Variants in COBL observed in about 807,000 individuals in gnomAD.
COBL encodes the protein protein cordon-bleu.
Under a neutral mutation model 98.8 loss-of-function variants are expected in COBL, and 51 were observed. The ratio of observed to expected loss-of-function variants is 0.52; its 90% CI spans 0.41 to 0.65. The LOEUF is 0.65. Among genes scored for constraint, COBL ranks in the 30% least tolerant of loss-of-function variants. The pLI is 0.00. For missense variants in COBL, 1,617 were observed against 1,617.5 expected (o/e 1.00, Z 0.01); for synonymous variants, 634 against 651.7 (o/e 0.97, Z 0.41).
In COBL at chr7:51,193,500, G is replaced by A; in HGVS notation, c.335C>T (p.Thr112Ile). ...HHALEIRSSETQQPLSFKPNT... is the reference protein window; with the variant it reads ...HHALEIRSSEIQQPLSFKPNT... ...TGGCTTAAAACTCAAAGGTTGTTGGGTTTCTGAAGACCGAATTTCAAGGGC... is the reference window on the plus strand; with the variant it reads ...TGGCTTAAAACTCAAAGGTTGTTGGATTTCTGAAGACCGAATTTCAAGGGC... The change falls in exon 3 of 13, where the codon ACC becomes ATC. Residue 112 changes from threonine (T) to isoleucine (I), a missense_variant. By Grantham distance (89) the Thr-to-Ile change is moderately conservative (BLOSUM62 -1). Transcript: ENST00000265136. 6.2e-7 allele frequency: 1 copy of A among 1,614,158 alleles called. No individual in the cohort carries two copies. Among genetic ancestry groups the A allele is most frequent in the Non-Finnish European group, 8.5e-7 (1 of 1,180,020 alleles).
chr7:51,216,184 A>T (rs1793023187), intron 2 of COBL, among the ~76,000 whole-genome samples: 1 of 152,084 alleles, frequency 6.6e-6, no homozygotes, highest in Non-Finnish European at 1.5e-5. Flanking sequence ...CTCTTTGAAG[A>T]TCTTTTCTTT....
At chr7:51,183,054 A>T (rs1277272506) in intron 5 of COBL, among the ~76,000 whole-genome samples, 9 of 152,104 alleles carry the variant, frequency 5.9e-5, no homozygotes, top group Non-Finnish European at 5.9e-5. Context: ...AGGTTACTTT[A>T]TTTCTCTGAG....
chr7:51,187,329 TATACACAC>T (rs1198394516), intron 4 of COBL, among the ~76,000 whole-genome samples: 18 of 142,424 alleles, frequency 1.3e-4, no homozygotes, highest in East Asian at 4.1e-4. Context: ...TATATATATA[TATACACAC>T]ACACACACAC....
intron 1 of COBL, among the ~76,000 whole-genome samples, chr7:51,315,767 G>A (rs906493640): frequency 6.6e-6 from 1 of 151,948 alleles, no homozygotes; most frequent in Non-Finnish European, 1.5e-5. Flanking sequence ...AGGGCTGCTC[G>A]TCCTGTTTGA....
intron 4 of COBL, among the ~76,000 whole-genome samples, chr7:51,188,445 T>C (rs1285834042): frequency 2.0e-5 from 3 of 152,310 alleles, no homozygotes; most frequent in East Asian, 1.9e-4. Flanking sequence ...TTTCGAATAT[T>C]TGACAGTGAG....
chr7:51,078,242 A>G (rs1258692435), intron 7 of COBL, among the ~76,000 whole-genome samples: 1 of 152,170 alleles, frequency 6.6e-6, no homozygotes. Flanking sequence ...GGAACTCTTT[A>G]GTGGGGGCTT....
chr7:51,134,696 T>G (rs1368516622), intron 6 of COBL, among the ~76,000 whole-genome samples: 2 of 152,198 alleles, frequency 1.3e-5, no homozygotes, highest in African/African-American at 4.8e-5. Flanking sequence ...CCCAGGGGCA[T>G]GTAGCTGGGA....
chr7:51,194,421 A>C (rs996855178), intron 2 of COBL, among the ~76,000 whole-genome samples: 3 of 152,202 alleles, frequency 2.0e-5, no homozygotes, highest in Non-Finnish European at 4.4e-5. Context: ...CAATGAACAT[A>C]CACATGCATG....
chr7:51,054,335 C>T (rs529235181), intron 7 of COBL, among the ~76,000 whole-genome samples: 1 of 151,992 alleles, frequency 6.6e-6, no homozygotes, highest in African/African-American at 2.4e-5. Flanking sequence ...ATAAAATCTA[C>T]TGAGTTTGTG....
chr7:51,162,428 A>G (rs974462624), intron 5 of COBL, among the ~76,000 whole-genome samples: 4 of 152,236 alleles, frequency 2.6e-5, no homozygotes, highest in Non-Finnish European at 5.9e-5. Flanking sequence ...ATATCTTGGA[A>G]CAGAGTAAAC....
At chr7:51,112,683 T>C (rs1488583934) in intron 6 of COBL, among the ~76,000 whole-genome samples, 1 of 152,182 alleles carries the variant, frequency 6.6e-6, no homozygotes, top group Non-Finnish European at 1.5e-5. Flanking sequence ...GAAGTAAAAC[T>C]AGTCTGGCCT....
At chr7:51,285,139 G>T (rs1427153889) in intron 1 of COBL, among the ~76,000 whole-genome samples, 1 of 151,866 alleles carries the variant, frequency 6.6e-6, no homozygotes, top group Non-Finnish European at 1.5e-5. Context: ...TACAGACAGG[G>T]TTTCAACATC....
intron 1 of COBL, among the ~76,000 whole-genome samples, chr7:51,287,518 G>A (rs1331186299): frequency 6.6e-6 from 1 of 152,200 alleles, no homozygotes; most frequent in African/African-American, 2.4e-5. Context: ...GAGCTCTCAT[G>A]CACTGCTGGT....
chr7:51,298,268 T>A (rs1801604185), intron 1 of COBL, among the ~76,000 whole-genome samples: 1 of 152,234 alleles, frequency 6.6e-6, no homozygotes, highest in African/African-American at 2.4e-5. Context: ...CCTAAAATTC[T>A]CATCAGAACC....
Position 51,025,278 on chromosome 7 carries a change from A to G in COBL, c.3599T>C (p.Leu1200Pro). The G allele has an allele frequency of 1.2e-6, 2 of 1,611,104 alleles. No individual in the cohort carries two copies. Reference protein sequence around the residue: ...SESPLLEDLGLLSPPAIPPPP... With the variant: ...SESPLLEDLGPLSPPAIPPPP... ...TGGGGGAATGGCTGGTGGGGACAGA[A>G]GACCAAGGTCTTCTAGCAGAGGACT... Residue 1200 changes from leucine to proline, a missense_variant, in exon 12 of 13, where the codon CTT becomes CCT. Leu to Pro is a moderately conservative substitution (Grantham distance 98). This residue lies in a region of COBL where 1,304 missense variants were observed against 1,282.0 expected (regional missense o/e 1.02). Transcript: ENST00000265136.
In COBL at chr7:51,193,576, C is replaced by G; in HGVS notation, c.259G>C (p.Asp87His). Residue 87 changes from aspartate (D) to histidine (H), a missense_variant, in exon 3 of 13, where the codon GAC (aspartate) becomes CAC (histidine). Asp to His is a moderately conservative substitution (Grantham distance 81). This residue lies in a region of COBL where 238 missense variants were observed against 215.0 expected (regional missense o/e 1.11). Transcript: ENST00000265136. ...TGAAGGCAAAGTTCAACCAGTAGGT[C>G]CATCATCGCATGGCTGAAAAAAGGA... is the stretch of plus-strand genomic sequence containing the variant. ...SVLNGSHAMM[D>H]LLVELCLQNH... The G allele has an allele frequency of 1.9e-6, 3 of 1,614,074 alleles. No homozygotes were observed. The highest frequency in any genetic ancestry group is 2.5e-6 in the Non-Finnish European group (3 of 1,179,996).
intron 1 of COBL, among the ~76,000 whole-genome samples, chr7:51,234,733 A>C (rs1795081121): frequency 6.7e-6 from 1 of 150,334 alleles, no homozygotes; most frequent in African/African-American, 2.4e-5. Flanking sequence ...AGAAAGAAAG[A>C]AAAAGAAAAG....
intron 5 of COBL, among the ~76,000 whole-genome samples, chr7:51,178,328 A>C (rs1222333828): frequency 1.3e-5 from 2 of 152,206 alleles, no homozygotes; most frequent in Non-Finnish European, 2.9e-5. Flanking sequence ...AAGTTAGAAA[A>C]AAATGAAAAA....
intron 3 of COBL, among the ~76,000 whole-genome samples, chr7:51,191,535 G>A (rs1265276797): frequency 1.1e-4 from 16 of 149,738 alleles, no homozygotes; most frequent in Admixed American, 1.1e-3. Context: ...ATCTATATAT[G>A]TACATAGATA....
Sources: gnomAD v4.1 joint callset for allele counts (sites outside exome capture counted in the v4.1 genomes callset) on GRCh38, gnomAD v4.1.1 for gene constraint, gnomAD v4.1.1 regional missense constraint, MANE v1.5 for transcripts, NCBI Gene and HGNC (gene_info 2026-07-23, HGNC 2026-07-21) for gene names.